PCDH9: variants seen among roughly 807,000 people sequenced by gnomAD.
PCDH9 encodes protocadherin-9.
In PCDH9, 24 loss-of-function variants were observed where a neutral mutation model predicts 70.6. The observed-to-expected ratio is 0.34, with a 90% CI of 0.25 to 0.48. The LOEUF is 0.48. Among genes scored for constraint, PCDH9 ranks in the 20% least tolerant of loss-of-function variants. PCDH9 has a pLI of 0.99. For missense variants in PCDH9, 1,281 were observed against 1,503.6 expected (o/e 0.85, Z 2.45); for synonymous variants, 562 against 558.5 (o/e 1.01, Z -0.09).
At chr13:67,115,672 C>T (rs546792956) in intron 2 of PCDH9, among the ~76,000 whole-genome samples, 14 of 151,368 alleles carry the variant, frequency 9.2e-5, no homozygotes, top group Admixed American at 2.0e-4. Flanking sequence ...ATTGATTATC[C>T]GCCTCTGGAT....
At chr13:66,843,101 T>A (rs2081144040) in intron 3 of PCDH9, among the ~76,000 whole-genome samples, 1 of 152,342 alleles carries the variant, frequency 6.6e-6, no homozygotes, top group Admixed American at 6.5e-5. Flanking sequence ...AGGTTTGAGA[T>A]GCCAGCTACA....
intron 4 of PCDH9, among the ~76,000 whole-genome samples, chr13:66,578,275 CA>C (rs1172298595): frequency 4.6e-5 from 7 of 152,186 alleles, no homozygotes; most frequent in African/African-American, 1.7e-4. Flanking sequence ...TTTACCTACT[CA>C]GGGGAGGCTG....
intron 2 of PCDH9, among the ~76,000 whole-genome samples, chr13:67,030,243 G>A (rs1447555295): frequency 6.6e-6 from 1 of 152,138 alleles, no homozygotes; most frequent in Non-Finnish European, 1.5e-5. Context: ...AATGGGCATA[G>A]TTGGAGACAA....
At chr13:66,480,524 T>C (rs1451390636) in intron 4 of PCDH9, among the ~76,000 whole-genome samples, 1 of 152,218 alleles carries the variant, frequency 6.6e-6, no homozygotes, top group Non-Finnish European at 1.5e-5. Flanking sequence ...AGAGAAATCT[T>C]TCTTGAAAGG....
rs946763635 is a variant in PCDH9, at chr13:66,720,048, T to C, written c.3139-88637A>G. Among the ~76,000 whole-genome samples, 88 of 152,222 alleles carry C rather than the reference T, an allele frequency of 5.8e-4. 1 individual carries two copies. Among genetic ancestry groups the C allele is most frequent in the Non-Finnish European group, 2.5e-4 (17 of 68,040 alleles). On this transcript the variant is annotated intron_variant, in intron 3 of 4. Coordinates refer to ENST00000377865, the MANE Select transcript of PCDH9 (RefSeq NM_203487.3). Reference sequence around the variant, plus strand: ...AACTGTTGATCACCCAGCTACCATGTTTTAGCTCTTAGGATGACTAAAGCA... The same window carrying C: ...AACTGTTGATCACCCAGCTACCATGCTTTAGCTCTTAGGATGACTAAAGCA...
intron 3 of PCDH9, among the ~76,000 whole-genome samples, chr13:66,857,813 A>G (rs902047723): frequency 1.1e-4 from 17 of 152,146 alleles, no homozygotes; most frequent in African/African-American, 3.9e-4. Context: ...CTTACAAAAT[A>G]TGATCCACAC....
intron 4 of PCDH9, among the ~76,000 whole-genome samples, chr13:66,568,512 C>CA (rs34215376): frequency 0.43 from 46,665 of 107,776 alleles, 8,093 homozygotes; most frequent in African/African-American, 0.51. Context: ...TGAGACTTTA[C>CA]AAAAAAAAAA....
rs370492545 is a variant in PCDH9 at position 66,818,857 on chromosome 13, C to A, written c.3138+84647G>T. Among the ~76,000 whole-genome samples, 61 of 151,920 alleles carry A rather than the reference C, an allele frequency of 4.0e-4. 1 individual carries two copies. In the East Asian group the frequency reaches 9.7e-3, roughly 24 times the overall value. On this transcript the variant is annotated intron_variant, in intron 3 of 4. Coordinates refer to ENST00000377865, the MANE Select transcript of PCDH9 (RefSeq NM_203487.3). ...GCTGAGGCAGGAGAATGGCGTGAAC[C>A]CAGGAGGCGGAGCTTGCAGTGGGCC...
intron 2 of PCDH9, among the ~76,000 whole-genome samples, chr13:67,092,690 T>C (rs2086242274): frequency 6.6e-6 from 1 of 152,228 alleles, no homozygotes; most frequent in African/African-American, 2.4e-5. Context: ...CTAAACCGCA[T>C]GATTTCTCCC....
At chr13:66,636,354 C>A (rs981267120) in intron 3 of PCDH9, among the ~76,000 whole-genome samples, 3 of 152,082 alleles carry the variant, frequency 2.0e-5, no homozygotes, top group African/African-American at 7.2e-5. Context: ...GCCAAACAAT[C>A]TTCTGATCTC....
intron 2 of PCDH9, among the ~76,000 whole-genome samples, chr13:67,047,240 C>A (rs959999256): frequency 6.6e-6 from 1 of 152,152 alleles, no homozygotes; most frequent in Non-Finnish European, 1.5e-5. Flanking sequence ...GTGATGAAAT[C>A]TTGGAGTTAA....
intron 4 of PCDH9, among the ~76,000 whole-genome samples, chr13:66,524,467 C>A (rs757028379): frequency 6.6e-6 from 1 of 151,988 alleles, no homozygotes; most frequent in Non-Finnish European, 1.5e-5. Flanking sequence ...AGGTAACCAG[C>A]GTCCTTTCTG....
intron 4 of PCDH9, among the ~76,000 whole-genome samples, chr13:66,534,464 A>C (rs1960603030): frequency 6.6e-6 from 1 of 152,070 alleles, no homozygotes; most frequent in Non-Finnish European, 1.5e-5. Flanking sequence ...ATGTGGCAGA[A>C]AGAGGGCAAG....
At chr13:66,926,037 C>T (rs2082712567) in intron 2 of PCDH9, among the ~76,000 whole-genome samples, 1 of 152,048 alleles carries the variant, frequency 6.6e-6, no homozygotes, top group East Asian at 1.9e-4. Flanking sequence ...ACGTATTTCA[C>T]ATTGCATTTG....
chr13:66,749,407 A>G (rs2079423302), intron 3 of PCDH9, among the ~76,000 whole-genome samples: 1 of 152,184 alleles, frequency 6.6e-6, no homozygotes, highest in African/African-American at 2.4e-5. Flanking sequence ...ACAATCATTT[A>G]TGAAATGCTT....
At chr13:67,142,292 A>C (rs2138361736) in intron 2 of PCDH9, among the ~76,000 whole-genome samples, 1 of 152,336 alleles carries the variant, frequency 6.6e-6, no homozygotes, top group South Asian at 2.1e-4. Flanking sequence ...TAATTGCCTT[A>C]GTGAAGATCT....
At chr13:66,538,137 C>T (rs1339487529) in intron 4 of PCDH9, among the ~76,000 whole-genome samples, 1 of 152,074 alleles carries the variant, frequency 6.6e-6, no homozygotes, top group Non-Finnish European at 1.5e-5. Flanking sequence ...AAATGTTTCA[C>T]TTATATTTTC....
intron 3 of PCDH9, among the ~76,000 whole-genome samples, chr13:66,703,628 T>C (rs568342464): frequency 4.6e-5 from 7 of 152,300 alleles, no homozygotes; most frequent in African/African-American, 1.7e-4. Context: ...CAGGGCGTGG[T>C]GGCTCATGCC....
At chr13:67,008,682 CATCTT>C (rs2084398036) in intron 2 of PCDH9, among the ~76,000 whole-genome samples, 1 of 152,116 alleles carries the variant, frequency 6.6e-6, no homozygotes, top group Non-Finnish European at 1.5e-5. Context: ...AGCCTAGACT[CATCTT>C]AAATAAACCC....
Sources: gnomAD v4.1 joint callset for allele counts (sites outside exome capture counted in the v4.1 genomes callset) on GRCh38, gnomAD v4.1.1 for gene constraint, MANE v1.5 for transcripts, NCBI Gene and HGNC (gene_info 2026-07-23, HGNC 2026-07-21) for gene names.